Variants in PDSS2 observed in about 807,000 individuals in gnomAD.
PDSS2 encodes decaprenyl diphosphate synthase subunit 2, also known as all trans-polyprenyl-diphosphate synthase PDSS2.
A neutral mutation model predicts 44.5 loss-of-function variants in PDSS2; 31 were observed. The ratio of observed to expected loss-of-function variants is 0.70; its 90% CI spans 0.52 to 0.94. PDSS2 has a LOEUF of 0.94. PDSS2 is among the 40% of genes least tolerant of loss of function. The pLI is 0.00. For missense variants in PDSS2, 452 were observed against 482.2 expected, an observed-to-expected ratio of 0.94 and a Z score of 0.59; for synonymous variants, 157 against 180.3, an observed-to-expected ratio of 0.87 and a Z score of 1.03.
At chr6:107,380,503 T>C (rs1779423472) in intron 1 of PDSS2, among the ~76,000 whole-genome samples, 1 of 152,226 alleles carries the variant, frequency 6.6e-6, no homozygotes, top group African/African-American at 2.4e-5. Flanking sequence ...TCCTTTCCCC[T>C]TGCCAAATGC....
intron 4 of PDSS2, among the ~76,000 whole-genome samples, chr6:107,220,316 T>G (rs1405549239): frequency 6.6e-6 from 1 of 152,112 alleles, no homozygotes; most frequent in Non-Finnish European, 1.5e-5. Flanking sequence ...ATTAACATTT[T>G]AAAAAATGTA....
At chr6:107,259,706 AAG>A (rs1288224012) in intron 3 of PDSS2, among the ~76,000 whole-genome samples, 1 of 152,022 alleles carries the variant, frequency 6.6e-6, no homozygotes, top group Non-Finnish European at 1.5e-5. Context: ...GAAAAAATGA[AAG>A]AGAAAAAAAG....
chr6:107,192,352 C>T (rs926431552), intron 7 of PDSS2: 3 of 514,308 alleles, frequency 5.8e-6, no homozygotes, highest in Non-Finnish European at 1.2e-5. Context: ...TCTGAGACCC[C>T]AAAAGCTGCA....
intron 7 of PDSS2, among the ~76,000 whole-genome samples, chr6:107,190,697 C>T (rs556897559): frequency 8.5e-5 from 13 of 152,200 alleles, no homozygotes; most frequent in African/African-American, 2.6e-4. Context: ...CAGATAAAGA[C>T]GGCAGGACAT....
At chr6:107,339,304 T>C (rs577965557) in intron 1 of PDSS2, among the ~76,000 whole-genome samples, 3 of 152,366 alleles carry the variant, frequency 2.0e-5, no homozygotes, top group Admixed American at 6.5e-5. Context: ...AAAAGCCTTG[T>C]CATTAAAGTG....
chr6:107,173,193 A>C (rs909304793), intron 7 of PDSS2, among the ~76,000 whole-genome samples: 28 of 151,984 alleles, frequency 1.8e-4, no homozygotes, highest in African/African-American at 6.8e-4. Flanking sequence ...AGGCAGAGAA[A>C]CAGGGTACAG....
At chr6:107,220,573 T>C (rs563422866) in intron 4 of PDSS2, among the ~76,000 whole-genome samples, 1 of 133,928 alleles carries the variant, frequency 7.5e-6, no homozygotes, top group East Asian at 2.7e-4. Flanking sequence ...TTCAGAATAA[T>C]TGAAAGATCT....
At chr6:107,284,343 T>C (rs1776068223) in intron 2 of PDSS2, among the ~76,000 whole-genome samples, 2 of 152,086 alleles carry the variant, frequency 1.3e-5, no homozygotes, top group South Asian at 4.1e-4. Context: ...CAAGAACATC[T>C]GTGGACCCAA....
chr6:107,432,250 A>G (rs1781214570), intron 1 of PDSS2, among the ~76,000 whole-genome samples: 1 of 152,220 alleles, frequency 6.6e-6, no homozygotes, highest in African/African-American at 2.4e-5. Context: ...TAAACCATCA[A>G]CATCTCAGGA....
chr6:107,174,495 G>A (rs1007356914), intron 7 of PDSS2, among the ~76,000 whole-genome samples: 4 of 152,172 alleles, frequency 2.6e-5, no homozygotes, highest in African/African-American at 4.8e-5. Flanking sequence ...AAGATAGGAC[G>A]ACGCTGCCTC....
intron 1 of PDSS2, among the ~76,000 whole-genome samples, chr6:107,439,316 T>C (rs944178819): frequency 6.6e-6 from 1 of 152,192 alleles, no homozygotes; most frequent in African/African-American, 2.4e-5. Flanking sequence ...GAAAACAGAA[T>C]AGAACATTAA....
intron 4 of PDSS2, among the ~76,000 whole-genome samples, chr6:107,225,137 T>TTATATATATA (rs1554256031): frequency 4.8e-5 from 3 of 62,396 alleles, no homozygotes; most frequent in African/African-American, 1.9e-4. Context: ...ATATATATTT[T>TTATATATATA]TATATATATA....
rs146398849 is a variant in PDSS2, at chr6:107,300,017, A to G, written c.432-25790T>C. 5.5e-3 allele frequency among the ~76,000 whole-genome samples: 841 copies of G among 152,076 alleles called. 5 individuals carry two copies. Among genetic ancestry groups the G allele is most frequent in the African/African-American group, 0.02 (823 of 41,478 alleles). On this transcript the variant is annotated intron_variant, in intron 2 of 7. Transcript: ENST00000369037. ...CATGAAACCCTCCATACCCATACTC[A>G]CCTGGTAAGCCTATTTAATACCACC...
At chr6:107,401,964 G>A (rs1156778842) in intron 1 of PDSS2, among the ~76,000 whole-genome samples, 1 of 152,116 alleles carries the variant, frequency 6.6e-6, no homozygotes, top group Non-Finnish European at 1.5e-5. Flanking sequence ...CCAACATGGT[G>A]AAACCCTGTC....
intron 3 of PDSS2, among the ~76,000 whole-genome samples, chr6:107,255,548 G>A (rs1379394304): frequency 6.7e-6 from 1 of 149,086 alleles, no homozygotes; most frequent in African/African-American, 2.5e-5. Context: ...GCGGTGAGCC[G>A]AGATCGTGCC....
At chr6:107,201,390 C>CAAAAAAAAAAA (rs747612959) in intron 6 of PDSS2, among the ~76,000 whole-genome samples, 551 of 51,512 alleles carry the variant, frequency 0.011, 4 homozygotes, top group African/African-American at 0.014. Flanking sequence ...CATACAAAAG[C>CAAAAAAAAAAA]AAAAAAAAAA....
At chr6:107,355,450 T>A (rs1778568594) in intron 1 of PDSS2, among the ~76,000 whole-genome samples, 1 of 152,220 alleles carries the variant, frequency 6.6e-6, no homozygotes. Flanking sequence ...TGGGAAAATG[T>A]CTGCTACATT....
At chr6:107,207,990 T>TTTTTTTG (rs1562375587) in intron 6 of PDSS2, among the ~76,000 whole-genome samples, 14 of 145,258 alleles carry the variant, frequency 9.6e-5, no homozygotes, top group Admixed American at 2.8e-4. Flanking sequence ...TTTTTTTTTT[T>TTTTTTTG]TTTTTTTTTT....
Position 107,319,005 on chromosome 6 carries a change from T to TACAC in PDSS2, c.431+15192_431+15193insGTGT, listed in dbSNP as rs199594062. Among the ~76,000 whole-genome samples the TACAC allele has an allele frequency of 1.3e-4, 14 of 106,924 alleles. No individual in the cohort carries two copies. In the East Asian group the frequency reaches 2.6e-3, roughly 20 times the overall value. 70.1% of individuals were successfully genotyped at this position (106,924 alleles called of 152,430 possible). A position where few individuals can be genotyped will look rare whatever the true frequency, so the allele number is the denominator to read the frequency against. On this transcript the variant is annotated intron_variant, in intron 2 of 7. Transcript: ENST00000369037. ...TATGTTAAAAAAGAAAATATATATA[T>TACAC]ATACACACACACACACACACATACA...
Sources: gnomAD v4.1 joint callset for allele counts (sites outside exome capture counted in the v4.1 genomes callset) on GRCh38, gnomAD v4.1.1 for gene constraint, MANE v1.5 for transcripts, NCBI Gene and HGNC (gene_info 2026-07-23, HGNC 2026-07-21) for gene names.